Variants in MCPH1 observed in about 807,000 individuals in gnomAD.
The protein encoded by MCPH1 is microcephalin.
In MCPH1, 104 loss-of-function variants were observed where a neutral mutation model predicts 84.5. The ratio of observed to expected loss-of-function variants is 1.23; its 90% CI spans 1.05 to 1.45. The LOEUF is 1.45. MCPH1 is among the 40% of genes most tolerant of loss of function. The probability of loss-of-function intolerance (pLI) is 0.00; values close to 1 mark genes in which losing one functional copy is unlikely to be tolerated. For missense variants in MCPH1, 1,498 were observed against 1,005.7 expected, an observed-to-expected ratio of 1.49 and a Z score of -6.62; for synonymous variants, 514 against 366.8, an observed-to-expected ratio of 1.40 and a Z score of -4.58.
chr8:6,541,821 T>A (rs1018253526), intron 12 of MCPH1, among the ~76,000 whole-genome samples: 2 of 152,048 alleles, frequency 1.3e-5, no homozygotes, highest in African/African-American at 2.4e-5. Flanking sequence ...CTAGGCAACA[T>A]GGCGAGACTC....
At chr8:6,521,255 T>A in intron 12 of MCPH1, 1 of 1,613,934 alleles carries the variant, frequency 6.2e-7, no homozygotes, top group Non-Finnish European at 8.5e-7. Flanking sequence ...AAGAACTGAA[T>A]TATTCACCGT....
At chr8:6,475,315 A>G (rs145894956) in intron 9 of MCPH1, among the ~76,000 whole-genome samples, 44 of 152,346 alleles carry the variant, frequency 2.9e-4, no homozygotes, top group African/African-American at 1.0e-3. Context: ...TACGTGGTGG[A>G]CAGCCTGATG....
At chr8:6,629,680 C>G (rs1284838554) in intron 13 of MCPH1, among the ~76,000 whole-genome samples, 2 of 152,268 alleles carry the variant, frequency 1.3e-5, no homozygotes, top group South Asian at 4.2e-4. Context: ...AAGCCACCCA[C>G]CCTGTGGCAT....
chr8:6,627,777 G>A (rs186983221), intron 13 of MCPH1, among the ~76,000 whole-genome samples: 1 of 152,238 alleles, frequency 6.6e-6, no homozygotes, highest in Non-Finnish European at 1.5e-5. Flanking sequence ...TATAGTTCCA[G>A]CTACATGAGA....
intron 13 of MCPH1, among the ~76,000 whole-genome samples, chr8:6,622,919 C>T (rs1410331450): frequency 1.3e-5 from 2 of 152,236 alleles, no homozygotes; most frequent in East Asian, 1.9e-4. Flanking sequence ...CAGCTTACTG[C>T]AGCCTCAGCC....
chr8:6,539,211 AGTG>A (rs1821071125), intron 12 of MCPH1, among the ~76,000 whole-genome samples: 1 of 152,248 alleles, frequency 6.6e-6, no homozygotes, highest in African/African-American at 2.4e-5. Context: ...CAGTACCCAC[AGTG>A]AGAGGTGATG....
intron 12 of MCPH1, among the ~76,000 whole-genome samples, chr8:6,544,788 TC>T (rs1457046543): frequency 1.3e-5 from 2 of 152,188 alleles, no homozygotes; most frequent in Non-Finnish European, 2.9e-5. Flanking sequence ...CTCCCTTACC[TC>T]CTGACTTGAA....
chr8:6,503,379 C>A, intron 12 of MCPH1: 10 of 993,664 alleles, frequency 1.0e-5, no homozygotes, highest in Admixed American at 2.0e-5. Flanking sequence ...TAGGCACATG[C>A]AGATGATGGT....
intron 3 of MCPH1, among the ~76,000 whole-genome samples, chr8:6,430,875 C>G (rs1019924848): frequency 6.6e-6 from 1 of 152,072 alleles, no homozygotes; most frequent in Non-Finnish European, 1.5e-5. Flanking sequence ...TTTAGAAAAT[C>G]ATAATTATTT....
At chr8:6,593,902 G>C (rs930761650) in intron 12 of MCPH1, among the ~76,000 whole-genome samples, 12 of 152,124 alleles carry the variant, frequency 7.9e-5, no homozygotes, top group African/African-American at 2.2e-4. Flanking sequence ...AAAAGTGGCC[G>C]TCCCTCCCAT....
chr8:6,417,575 T>A (rs1303257713), intron 3 of MCPH1, among the ~76,000 whole-genome samples: 1 of 152,224 alleles, frequency 6.6e-6, no homozygotes, highest in African/African-American at 2.4e-5. Context: ...TTTTTCTCCA[T>A]CAAATCCATT....
chr8:6,473,442 C>T (rs1309605260), intron 9 of MCPH1, among the ~76,000 whole-genome samples: 1 of 150,566 alleles, frequency 6.6e-6, no homozygotes, highest in Non-Finnish European at 1.5e-5. Context: ...CGCCATTCTC[C>T]TGCCTCGGCC....
At chr8:6,438,888 G>A in intron 5 of MCPH1, 65 bp from the exon 6 acceptor site, 1 of 1,488,092 alleles carries the variant, frequency 6.7e-7, no homozygotes, top group Admixed American at 1.7e-5. Context: ...TCTTTAAAAG[G>A]AATCACATTC....
At chr8:6,470,985 A>C (rs78390338) in intron 9 of MCPH1, among the ~76,000 whole-genome samples, 254 of 152,310 alleles carry the variant, frequency 1.7e-3, no homozygotes, top group Middle Eastern at 6.8e-3. Flanking sequence ...TTCTTTCTCT[A>C]AATTTCCTTA....
chr8:6,506,802 C>G (rs1403397050), intron 12 of MCPH1, among the ~76,000 whole-genome samples: 1 of 149,262 alleles, frequency 6.7e-6, no homozygotes, highest in African/African-American at 2.5e-5. Context: ...TTAATGAGGC[C>G]TGATTCTTTC....
intron 5 of MCPH1, among the ~76,000 whole-genome samples, chr8:6,437,880 C>A (rs1802907151): frequency 6.6e-6 from 1 of 152,200 alleles, no homozygotes; most frequent in Admixed American, 6.5e-5. Context: ...CCACTGCAGC[C>A]ACTCCTTACG....
chr8:6,640,059 CGT>C (rs147642349), intron 13 of MCPH1, among the ~76,000 whole-genome samples: 4,462 of 134,202 alleles, frequency 0.033, 101 homozygotes, highest in African/African-American at 0.065. Context: ...ATTTTAAACT[CGT>C]GTGTGTGTGT....
In MCPH1 at chr8:6,601,255, A is replaced by G. The variant is rs545229868; in HGVS notation, c.2215-20199A>G. On this transcript the variant is annotated intron_variant, in intron 12 of 13. Transcript: ENST00000344683. Reference sequence around the variant, plus strand: ...GTCTTTGCAGGTGCATCTCTGGAAAACAGTTCTCATCAGGGCACCCTGTGC... The same window carrying G: ...GTCTTTGCAGGTGCATCTCTGGAAAGCAGTTCTCATCAGGGCACCCTGTGC... Among the ~76,000 whole-genome samples, 6 of 152,256 alleles carry G rather than the reference A, an allele frequency of 3.9e-5. No individual in the cohort carries two copies. The South Asian group carries it at 6.2e-4, about 16-fold the overall frequency.
chr8:6,408,972 G>A (rs904373434), intron 1 of MCPH1, among the ~76,000 whole-genome samples: 4 of 151,392 alleles, frequency 2.6e-5, no homozygotes, highest in Non-Finnish European at 4.4e-5. Flanking sequence ...TGCAACCTCT[G>A]CCTCCCGGGT....
Sources: allele counts gnomAD v4.1 joint callset (sites outside exome capture counted in the v4.1 genomes callset), GRCh38; gene constraint gnomAD v4.1.1; transcripts MANE v1.5; gene names NCBI Gene and HGNC (gene_info 2026-07-23, HGNC 2026-07-21).